CDYL: variants seen among roughly 807,000 people sequenced by gnomAD.
CDYL encodes chromodomain Y like, also known as chromodomain Y-like protein.
A neutral mutation model predicts 47.3 loss-of-function variants in CDYL; 8 were observed. The ratio of observed to expected loss-of-function variants is 0.17; its 90% CI spans 0.10 to 0.31. CDYL has a LOEUF of 0.31. Ranked by LOEUF, CDYL falls within the 10% of genes least tolerant of loss-of-function variation. The pLI is 1.00. For synonymous variants in CDYL, 266 were observed against 265.0 expected, an observed-to-expected ratio of 1.00 and a Z score of -0.04; for missense variants, 471 against 701.4, an observed-to-expected ratio of 0.67 and a Z score of 3.71.
chr6:4,854,894 A>G (rs1417600523), intron 1 of CDYL, among the ~76,000 whole-genome samples: 2 of 152,218 alleles, frequency 1.3e-5, no homozygotes, highest in African/African-American at 2.4e-5. Flanking sequence ...GAAGAAGTCT[A>G]CAGAGGCCCC....
chr6:4,871,298 G>T (rs1761465763), intron 1 of CDYL, among the ~76,000 whole-genome samples: 1 of 152,150 alleles, frequency 6.6e-6, no homozygotes, highest in African/African-American at 2.4e-5. Flanking sequence ...AGCCCATAAG[G>T]CTTCCACTCC....
At chr6:4,736,346 T>C (rs1757703928) in intron 3 of CDYL, among the ~76,000 whole-genome samples, 1 of 152,242 alleles carries the variant, frequency 6.6e-6, no homozygotes, top group East Asian at 1.9e-4. Flanking sequence ...CTGGTACTAC[T>C]ATAGTTTGTT....
chr6:4,879,640 C>CTTG (rs1194339439), intron 1 of CDYL, among the ~76,000 whole-genome samples: 1 of 145,422 alleles, frequency 6.9e-6, no homozygotes, highest in Non-Finnish European at 1.5e-5. Context: ...CTCATTGCAA[C>CTTG]CTCTGCCTCC....
intron 1 of CDYL, among the ~76,000 whole-genome samples, chr6:4,880,909 T>C (rs1761745741): frequency 6.6e-6 from 1 of 152,240 alleles, no homozygotes; most frequent in Non-Finnish European, 1.5e-5. Flanking sequence ...ATAACAGCCG[T>C]TTGTCAGATA....
intron 2 of CDYL, among the ~76,000 whole-genome samples, chr6:4,900,817 ATATATATATATATC>A (rs1757022110): frequency 1.2e-5 from 1 of 84,752 alleles, no homozygotes; most frequent in Non-Finnish European, 2.6e-5. Flanking sequence ...ATATATATAT[ATATATATATATATC>A]TTGCCTGTTT....
intron 3 of CDYL, among the ~76,000 whole-genome samples, chr6:4,748,796 T>C (rs1399919231): frequency 6.6e-6 from 1 of 152,210 alleles, no homozygotes; most frequent in African/African-American, 2.4e-5. Flanking sequence ...AGAAGTATCT[T>C]AGCTTATAAT....
At chr6:4,752,537 G>T (rs187690902) in intron 3 of CDYL, among the ~76,000 whole-genome samples, 2 of 152,184 alleles carry the variant, frequency 1.3e-5, no homozygotes, top group Admixed American at 1.3e-4. Context: ...ACCCTCCTGG[G>T]GCTCTCCTAA....
intron 2 of CDYL, among the ~76,000 whole-genome samples, chr6:4,900,312 T>C (rs755587074): frequency 1.3e-5 from 2 of 152,240 alleles, no homozygotes; most frequent in Non-Finnish European, 2.9e-5. Context: ...TATATAAATA[T>C]GATTTCAAAC....
At chr6:4,764,302 G>A (rs1188467570) in intron 3 of CDYL, among the ~76,000 whole-genome samples, 1 of 151,694 alleles carries the variant, frequency 6.6e-6, no homozygotes, top group Non-Finnish European at 1.5e-5. Context: ...TTTGTTTTTT[G>A]TTTTTGAGAT....
chr6:4,757,824 C>T (rs1029319680), intron 3 of CDYL, among the ~76,000 whole-genome samples: 1 of 151,272 alleles, frequency 6.6e-6, no homozygotes, highest in African/African-American at 2.4e-5. Context: ...ATTACTTGAG[C>T]CTAGGAGTTG....
chr6:4,732,601 G>T lies in CDYL; in HGVS notation c.104-2161G>T, dbSNP rs147799038. 1.0e-3 allele frequency among the ~76,000 whole-genome samples: 144 copies of T among 141,616 alleles called. 1 individual carries two copies. The highest frequency in any genetic ancestry group is 3.5e-3 in the African/African-American group (136 of 38,564). The allele number at this position is 141,616 out of a possible 152,430, so 92.9% of individuals were successfully genotyped here. On this transcript the variant is annotated intron_variant, in intron 2 of 8. Transcript: ENST00000328908. ...TGCTGGAGCCTGGGAGGTTGAGGCA[G>T]CAAATGAGCTCTGGTTGCACCACTG... is the stretch of plus-strand genomic sequence containing the variant.
intron 1 of CDYL, 129 bp downstream of exon 1, chr6:4,776,936 G>C: frequency 3.8e-6 from 1 of 262,816 alleles, no homozygotes; most frequent in Non-Finnish European, 5.9e-6. Context: ...GCCGCAGTTT[G>C]CTGGACGGGA....
At chr6:4,873,297 T>A (rs150326335) in intron 1 of CDYL, among the ~76,000 whole-genome samples, 2 of 152,326 alleles carry the variant, frequency 1.3e-5, no homozygotes, top group African/African-American at 4.8e-5. Context: ...AATCAATTTT[T>A]ATTTGGGTAG....
At chr6:4,723,263 C>T (rs1040518672) in intron 2 of CDYL, among the ~76,000 whole-genome samples, 7 of 152,084 alleles carry the variant, frequency 4.6e-5, no homozygotes, top group African/African-American at 1.2e-4. Context: ...AAGTTTTATA[C>T]GCATTGACTA....
chr6:4,923,825 C>A (rs947840402), intron 2 of CDYL, among the ~76,000 whole-genome samples: 1 of 151,168 alleles, frequency 6.6e-6, no homozygotes, highest in Non-Finnish European at 1.5e-5. Context: ...GGCGTGAACC[C>A]GGGAGGCGGA....
At chr6:4,899,602 A>T (rs1256980773) in intron 2 of CDYL, among the ~76,000 whole-genome samples, 1 of 152,230 alleles carries the variant, frequency 6.6e-6, no homozygotes, top group African/African-American at 2.4e-5. Context: ...CTGGTAATGA[A>T]TTGTTTTCCT....
At chr6:4,786,698 GT>G (rs1758765657) in intron 1 of CDYL, among the ~76,000 whole-genome samples, 1 of 152,132 alleles carries the variant, frequency 6.6e-6, no homozygotes, top group Admixed American at 6.5e-5. Context: ...CCTTGAGCTG[GT>G]TGTGGGAGCA....
At chr6:4,708,166 A>G in intron 1 of CDYL, among the ~76,000 whole-genome samples, 1 of 147,976 alleles carries the variant, frequency 6.8e-6, no homozygotes, top group South Asian at 2.1e-4. Context: ...ACACACACAC[A>G]CACACACACA....
At chr6:4,736,811 C>G (rs1757712400) in intron 3 of CDYL, among the ~76,000 whole-genome samples, 1 of 152,076 alleles carries the variant, frequency 6.6e-6, no homozygotes, top group African/African-American at 2.4e-5. Context: ...TTGCAAAAGA[C>G]AGTCTCAGAA....
Sources: gnomAD v4.1 joint callset for allele counts (sites outside exome capture counted in the v4.1 genomes callset) on GRCh38, gnomAD v4.1.1 for gene constraint, MANE v1.5 for transcripts, NCBI Gene and HGNC (gene_info 2026-07-23, HGNC 2026-07-21) for gene names.